JAZF1: variants seen among roughly 807,000 people sequenced by gnomAD.
The protein encoded by JAZF1 is JAZF zinc finger 1.
JAZF1 carries 8 observed loss-of-function variants against 26.4 expected under a neutral mutation model. The ratio of observed to expected loss-of-function variants is 0.30; its 90% confidence interval spans 0.18 to 0.55. The LOEUF is 0.55. JAZF1 is among the 20% of genes least tolerant of loss of function. The probability of loss-of-function intolerance (pLI) is 0.94; values close to 1 mark genes in which losing one functional copy is unlikely to be tolerated. For synonymous variants in JAZF1, 126 were observed against 122.3 expected (o/e 1.03, Z -0.20); for missense variants, 199 against 322.0 (o/e 0.62, Z 2.92).
intron 1 of JAZF1, among the ~76,000 whole-genome samples, chr7:28,135,702 G>A (rs774615637): frequency 3.9e-5 from 6 of 152,202 alleles, no homozygotes; most frequent in Non-Finnish European, 8.8e-5. Context: ...ATAGTGAAGA[G>A]CATGAACTAT....
At chr7:28,011,840 C>T (rs1390288933) in intron 1 of JAZF1, among the ~76,000 whole-genome samples, 2 of 152,068 alleles carry the variant, frequency 1.3e-5, no homozygotes, top group East Asian at 1.9e-4. Context: ...AGATTTATGT[C>T]GACCATATAT....
intron 2 of JAZF1, among the ~76,000 whole-genome samples, chr7:27,955,275 T>A (rs1268088374): frequency 2.0e-5 from 3 of 152,206 alleles, no homozygotes; most frequent in African/African-American, 7.2e-5. Context: ...CAACATGCAT[T>A]CCCTGAATTC....
intron 1 of JAZF1, among the ~76,000 whole-genome samples, chr7:28,043,189 G>C (rs1451120521): frequency 6.6e-6 from 1 of 152,160 alleles, no homozygotes; most frequent in Non-Finnish European, 1.5e-5. Flanking sequence ...AGAGTACTAG[G>C]AAGCCAATAA....
intron 1 of JAZF1, among the ~76,000 whole-genome samples, chr7:28,122,171 GAAGT>G (rs1414842494): frequency 6.6e-6 from 1 of 152,182 alleles, no homozygotes; most frequent in Non-Finnish European, 1.5e-5. Flanking sequence ...TTGGGGGAAA[GAAGT>G]AAGAATTCAT....
chr7:27,930,881 A>T (rs1784679521), intron 2 of JAZF1, among the ~76,000 whole-genome samples: 1 of 152,230 alleles, frequency 6.6e-6, no homozygotes, highest in Admixed American at 6.5e-5. Context: ...GCTAAATATA[A>T]CACAGCCATC....
chr7:27,991,815 A>G (rs1033070397), intron 2 of JAZF1, 94 bp downstream of exon 2: 11 of 736,664 alleles, frequency 1.5e-5, no homozygotes, highest in Admixed American at 4.9e-5. Flanking sequence ...TTTAAGACTG[A>G]AAACATTTTT....
chr7:27,967,087 T>C (rs978713818), intron 2 of JAZF1, among the ~76,000 whole-genome samples: 2 of 152,218 alleles, frequency 1.3e-5, no homozygotes, highest in Non-Finnish European at 2.9e-5. Flanking sequence ...ATTTTTATGC[T>C]TTTATTATAC....
chr7:28,066,198 A>G (rs989724557), intron 1 of JAZF1, among the ~76,000 whole-genome samples: 2 of 152,202 alleles, frequency 1.3e-5, no homozygotes, highest in Non-Finnish European at 2.9e-5. Flanking sequence ...CAAATCTCTA[A>G]GGCTACGGAA....
chr7:28,141,721 T>C (rs1782961242), intron 1 of JAZF1, among the ~76,000 whole-genome samples: 1 of 152,206 alleles, frequency 6.6e-6, no homozygotes, highest in Admixed American at 6.5e-5. Flanking sequence ...GTTAGGTGCT[T>C]GACAGATACT....
intron 1 of JAZF1, among the ~76,000 whole-genome samples, chr7:28,043,113 T>A (rs1318448834): frequency 6.6e-6 from 1 of 152,158 alleles, no homozygotes; most frequent in Admixed American, 6.5e-5. Flanking sequence ...GAATACTGAA[T>A]GAGGATTCAC....
intron 1 of JAZF1, among the ~76,000 whole-genome samples, chr7:28,156,098 T>C (rs1316037678): frequency 6.6e-6 from 1 of 152,194 alleles, no homozygotes; most frequent in African/African-American, 2.4e-5. Flanking sequence ...CTGCCAAGAG[T>C]TATGCAACAA....
intron 1 of JAZF1, among the ~76,000 whole-genome samples, chr7:28,167,393 G>A (rs1398883785): frequency 1.3e-5 from 2 of 152,186 alleles, no homozygotes; most frequent in Non-Finnish European, 2.9e-5. Flanking sequence ...ATCTTAGAGA[G>A]GAAGAAAATG....
rs1782693216 is a variant in JAZF1, at chr7:27,831,408, GC to G, written c.*1391del. ...TAGCTATCTCAAAGCATTTTTTATT[GC>G]ATTATTAGGCAACTGGTAAACTCTC... On this transcript the variant is annotated 3_prime_UTR_variant, in exon 5 of 5. Coordinates refer to ENST00000283928, the MANE Select transcript of JAZF1 (RefSeq NM_175061.4). 1 of 227,614 alleles carries G rather than the reference GC, an allele frequency of 4.4e-6. No individual in the cohort carries two copies. The highest frequency in any genetic ancestry group is 8.7e-6 in the Non-Finnish European group (1 of 114,378). The allele number at this position is 227,614 out of a possible 1,614,324, so 14.1% of individuals were successfully genotyped here. A position where few individuals can be genotyped will look rare whatever the true frequency, so the allele number is the denominator to read the frequency against.
chr7:27,862,725 G>T (rs1373242364), intron 3 of JAZF1, among the ~76,000 whole-genome samples: 1 of 152,118 alleles, frequency 6.6e-6, no homozygotes, highest in Non-Finnish European at 1.5e-5. Flanking sequence ...CAGCTTCCAC[G>T]CTTCTGTTGC....
intron 1 of JAZF1, among the ~76,000 whole-genome samples, chr7:28,174,825 T>TGTGTGG (rs1783525594): frequency 8.7e-6 from 1 of 115,482 alleles, no homozygotes; most frequent in African/African-American, 2.7e-5. Flanking sequence ...TGTGTGGGTG[T>TGTGTGG]GTGTGTGTGT....
chr7:28,149,302 T>C (rs1029798551), intron 1 of JAZF1, among the ~76,000 whole-genome samples: 1 of 152,136 alleles, frequency 6.6e-6, no homozygotes, highest in African/African-American at 2.4e-5. Context: ...TTAATGCCTA[T>C]CAGACTGGAA....
Position 27,925,287 on chromosome 7 carries a change from C to T in JAZF1, c.189-29871G>A, listed in dbSNP as rs532745658. Among the ~76,000 whole-genome samples the T allele has an allele frequency of 4.6e-5, 7 of 152,324 alleles. No homozygotes were observed. In the East Asian group the frequency reaches 9.6e-4, roughly 21 times the overall value. Reference sequence around the variant, plus strand: ...AGGTGAAGCTAAATAGAATCTCAGCCTTTCATGAGATTTGAAATTATCTTT... The same window carrying T: ...AGGTGAAGCTAAATAGAATCTCAGCTTTTCATGAGATTTGAAATTATCTTT... On this transcript the variant is annotated intron_variant, in intron 2 of 4. Coordinates refer to ENST00000283928, the MANE Select transcript of JAZF1 (RefSeq NM_175061.4).
intron 2 of JAZF1, among the ~76,000 whole-genome samples, chr7:27,950,356 T>C (rs1784988760): frequency 6.6e-6 from 1 of 152,134 alleles, no homozygotes; most frequent in South Asian, 2.1e-4. Context: ...TGCTTCAAGC[T>C]CCAGGTGGCC....
chr7:27,935,564 A>C, intron 2 of JAZF1, among the ~76,000 whole-genome samples: 1 of 152,218 alleles, frequency 6.6e-6, no homozygotes, highest in East Asian at 1.9e-4. Flanking sequence ...GGCAGTGACA[A>C]CTAATGTGTA....
Sources: allele counts gnomAD v4.1 joint callset (sites outside exome capture counted in the v4.1 genomes callset), GRCh38; gene constraint gnomAD v4.1.1; transcripts MANE v1.5; gene names NCBI Gene and HGNC (gene_info 2026-07-23, HGNC 2026-07-21).